Variants in FGFR3 observed in about 807,000 individuals in gnomAD.
The protein encoded by FGFR3 is FGFR-3.
Under a neutral mutation model 82.9 loss-of-function variants are expected in FGFR3, and 25 were observed. The observed-to-expected ratio is 0.30, with a 90% CI of 0.22 to 0.42. FGFR3 has a LOEUF of 0.42. FGFR3 is among the 10% of genes least tolerant of loss of function. The probability of loss-of-function intolerance (pLI) is 1.00; values close to 1 mark genes in which losing one functional copy is unlikely to be tolerated. For missense variants in FGFR3, 1,026 were observed against 1,161.0 expected (o/e 0.88, Z 1.69); for synonymous variants, 620 against 516.0 (o/e 1.20, Z -2.73).
At chr4:1,801,311 A>G in intron 4 of FGFR3, 56 bp from the exon 5 acceptor site, 1 of 1,528,652 alleles carries the variant, frequency 6.5e-7, no homozygotes, top group Non-Finnish European at 8.8e-7. Context: ...GGGGTTGTTC[A>G]GAGGGGCCTC....
chr4:1,807,281 CAA>C lies in FGFR3; in HGVS notation c.*20_*21del. The C allele has an allele frequency of 6.3e-7, 1 of 1,584,456 alleles. No homozygotes were observed. The highest frequency in any genetic ancestry group is 2.3e-5 in the East Asian group (1 of 43,188). On this transcript the variant is annotated 3_prime_UTR_variant, in exon 18 of 18. Transcript: ENST00000440486. ...GACGTGAAGGGCCACTGGTCCCCAA[CAA>C]TGTGAGGGGTCCCTAGCAGCCCACC...
chr4:1,796,651 G>A (rs1243402583), intron 2 of FGFR3, among the ~76,000 whole-genome samples: 1 of 152,162 alleles, frequency 6.6e-6, no homozygotes, highest in Non-Finnish European at 1.5e-5. Context: ...TCTCAGCCAT[G>A]CTCCCTCACA....
intron 2 of FGFR3, 42 bp downstream of exon 2, chr4:1,794,085 C>A: frequency 1.7e-6 from 2 of 1,191,404 alleles, no homozygotes; most frequent in South Asian, 4.8e-5. Context: ...CCGGCCCGTG[C>A]GGGCAGAGGC....
At position 1,801,556 on chromosome 4, in the gene FGFR3, T is replaced by C. The variant is rs1374050784; in HGVS notation, c.615+20T>C. ...ATCAAGGTGGGCGCGGCGGGGTGGC[T>C]CTGGGCCTGGCAGGCGCGGTGGTTG... On this transcript the variant is annotated intron_variant, in intron 5 of 17. Transcript: ENST00000440486. 4 of 1,577,612 alleles carry C rather than the reference T, an allele frequency of 2.5e-6. No homozygotes were observed. Among genetic ancestry groups the C allele is most frequent in the Non-Finnish European group, 3.4e-6 (4 of 1,162,740 alleles).
At chr4:1,799,181 C>G (rs1336570141) in intron 2 of FGFR3, 73 bp from the exon 3 acceptor site, 2 of 1,604,878 alleles carry the variant, frequency 1.2e-6, no homozygotes, top group Non-Finnish European at 1.7e-6. Flanking sequence ...GCCGCCGAGG[C>G]TTCCACTGCT....
chr4:1,793,336 G>C lies in FGFR3; in HGVS notation c.-232G>C, dbSNP rs1421117301. 1 of 147,810 alleles carries C rather than the reference G, an allele frequency of 6.8e-6. No homozygotes were observed. The highest frequency in any genetic ancestry group is 1.5e-5 in the Non-Finnish European group (1 of 66,516). The allele number at this position is 147,810 out of a possible 1,614,324, so 9.2% of individuals were successfully genotyped here. A position where few individuals can be genotyped will look rare whatever the true frequency, so the allele number is the denominator to read the frequency against. ...CGTCGCGGGCAGCTGGCGCCGCGCG[G>C]TCCTGCTCTGCCGGTCGCACGGACG... On this transcript the variant is annotated 5_prime_UTR_variant, in exon 1 of 18. Coordinates refer to ENST00000440486, the MANE Select transcript of FGFR3 (RefSeq NM_000142.5).
Position 1,805,620 on chromosome 4 carries a change from C to T in FGFR3, c.1596C>T (p.Ile532=), listed in dbSNP as rs528979086. Residue 532 remains isoleucine, a synonymous_variant, in exon 12 of 18, where the codon ATC becomes ATT. Transcript: ENST00000440486. The part of the protein sequence containing the change: ...LVSEMEMMKM[I]GKHKNIINLL... ...CTGAGATGGAGATGATGAAGATGAT[C>T]GGGAAACACAAAAACATCATCAACC... 31 of 1,613,344 alleles carry T rather than the reference C, an allele frequency of 1.9e-5. No individual in the cohort carries two copies. Among genetic ancestry groups the T allele is most frequent in the African/African-American group, 1.1e-4 (8 of 75,032 alleles).
Position 1,807,340 on chromosome 4 carries a change from G to A in FGFR3, c.*78G>A. ...CTGGTGCACAGCCACTCCCCGGCAT[G>A]AGACTCAGTGCAGATGGAGAGACAG... On this transcript the variant is annotated 3_prime_UTR_variant, in exon 18 of 18. Transcript: ENST00000440486. 1 of 1,525,170 alleles carries A rather than the reference G, an allele frequency of 6.6e-7. No homozygotes were observed. The allele number at this position is 1,525,170 out of a possible 1,614,324, so 94.5% of individuals were successfully genotyped here.
chr4:1,794,177 C>T (rs1720183841), intron 2 of FGFR3, 134 bp downstream of exon 2: 2 of 442,472 alleles, frequency 4.5e-6, no homozygotes, highest in East Asian at 8.0e-5. Context: ...GATTCCGCTG[C>T]CTCCTTGCCG....
intron 4 of FGFR3, 86 bp from the exon 5 acceptor site, chr4:1,801,281 G>T: frequency 1.4e-6 from 2 of 1,424,958 alleles, no homozygotes; most frequent in Admixed American, 3.9e-5. Context: ...CTGGGGATGG[G>T]CAGGGGCAGC....
At chr4:1,802,950 C>T in intron 7 of FGFR3, 5 of 1,603,144 alleles carry the variant, frequency 3.1e-6, no homozygotes, top group Non-Finnish European at 4.3e-6. Context: ...CGACGTGCGC[C>T]TCCGCCTGGC....
Position 1,801,922 on chromosome 4 carries a change from A to G in FGFR3, c.827A>G (p.Lys276Arg), listed in dbSNP as rs1553845973. 1.2e-6 allele frequency: 2 copies of G among 1,612,516 alleles called. No homozygotes were observed. Among genetic ancestry groups the G allele is most frequent in the African/African-American group, 1.3e-5 (1 of 74,922 alleles). ...VLGSDVEFHCKVYSDAQPHIQ... is the reference protein window; with the variant it reads ...VLGSDVEFHCRVYSDAQPHIQ... The stretch of plus-strand genomic sequence containing the variant: ...GGCAGCGACGTGGAGTTCCACTGCA[A>G]GGTGTACAGTGACGCACAGCCCCAC... Residue 276 changes from lysine (K) to arginine (R), a missense_variant, in exon 7 of 18, where the codon AAG becomes AGG. By Grantham distance (26) the Lys-to-Arg change is conservative. Transcript: ENST00000440486.
At chr4:1,797,749 G>C (rs1334379375) in intron 2 of FGFR3, among the ~76,000 whole-genome samples, 2 of 152,216 alleles carry the variant, frequency 1.3e-5, no homozygotes, top group Non-Finnish European at 2.9e-5. Flanking sequence ...GGCAGTCCTT[G>C]AGCTGTGGGT....
Position 1,803,052 on chromosome 4 carries a change from G to C in FGFR3, c.931-640G>C, listed in dbSNP as rs747899858. On this transcript the variant is annotated intron_variant, in intron 7 of 17. Coordinates refer to ENST00000440486, the MANE Select transcript of FGFR3 (RefSeq NM_000142.5). ...GAAGGCCTTTTGGCTGAGCGTTCAC[G>C]GGCCCCGAGCAGGTAACGACTCTGT... The C allele has an allele frequency of 2.5e-6, 4 of 1,597,188 alleles. No individual in the cohort carries two copies. The highest frequency in any genetic ancestry group is 2.6e-6 in the Non-Finnish European group (3 of 1,172,828).
At position 1,807,138 on chromosome 4, in the gene FGFR3, C is replaced by G. The variant is rs763774428; in HGVS notation, c.2297C>G (p.Pro766Arg). 1.3e-6 allele frequency: 2 copies of G among 1,593,680 alleles called. No individual in the cohort carries two copies. Among genetic ancestry groups the G allele is most frequent in the South Asian group, 1.1e-5 (1 of 88,098 alleles). The change falls in exon 18 of 18, where the codon CCT (proline) becomes CGT (arginine). Residue 766 changes from proline to arginine, a missense_variant. By Grantham distance (103) the Pro-to-Arg change is moderately radical. Around this residue, in one of 9 missense-constraint regions of FGFR3, gnomAD observed 155 missense variants for 150.2 expected, o/e 1.03. Transcript: ENST00000440486. ...CAGGAGTACCTGGACCTGTCGGCGCCTTTCGAGCAGTACTCCCCGGGTGGC... is the reference window on the plus strand; with the variant it reads ...CAGGAGTACCTGGACCTGTCGGCGCGTTTCGAGCAGTACTCCCCGGGTGGC... ...STDEYLDLSA[P>R]FEQYSPGGQD...
chr4:1,799,145 C>T, intron 2 of FGFR3, 109 bp from the exon 3 acceptor site: 1 of 1,487,362 alleles, frequency 6.7e-7, no homozygotes, highest in Non-Finnish European at 9.3e-7. Context: ...GACCCTGGAT[C>T]TGGGTCAGAG....
chr4:1,805,517 GCGC>G (rs537854558), intron 11 of FGFR3, 39 bp from the exon 12 acceptor site: 15 of 1,612,250 alleles, frequency 9.3e-6, no homozygotes, highest in African/African-American at 4.0e-5. Context: ...AGGGCTGGGG[GCGC>G]CGCCGCCGCC....
intron 4 of FGFR3, 100 bp downstream of exon 4, chr4:1,799,912 C>T (rs930942265): frequency 7.3e-7 from 1 of 1,364,204 alleles, no homozygotes; most frequent in African/African-American, 1.4e-5. Flanking sequence ...GGCCCCGGAA[C>T]AACCTCCCTG....
intron 2 of FGFR3, among the ~76,000 whole-genome samples, chr4:1,798,546 C>T (rs13121619): frequency 3.3e-5 from 5 of 151,934 alleles, no homozygotes; most frequent in South Asian, 4.1e-4. Context: ...ACCCCCGCCC[C>T]GGCCCCCTCG....
Sources: gnomAD v4.1 joint callset for allele counts (sites outside exome capture counted in the v4.1 genomes callset) on GRCh38, gnomAD v4.1.1 for gene constraint, gnomAD v4.1.1 regional missense constraint, MANE v1.5 for transcripts, NCBI Gene and HGNC (gene_info 2026-07-23, HGNC 2026-07-21) for gene names.